LRRIQ3: variants seen among roughly 807,000 people sequenced by gnomAD.
LRRIQ3 encodes leucine rich repeats and IQ motif containing 3.
Under a neutral mutation model 59.3 loss-of-function variants are expected in LRRIQ3, and 75 were observed. The observed-to-expected ratio is 1.26, with a 90% CI of 1.05 to 1.53. LRRIQ3 has a LOEUF of 1.53. LRRIQ3 is among the 40% of genes most tolerant of loss of function. The pLI is 0.00. For missense variants in LRRIQ3, 831 were observed against 710.0 expected, an observed-to-expected ratio of 1.17 and a Z score of -1.94; for synonymous variants, 250 against 231.3, an observed-to-expected ratio of 1.08 and a Z score of -0.73.
chr1:74,103,644 A>T (rs1340478625), intron 5 of LRRIQ3, among the ~76,000 whole-genome samples: 2 of 151,998 alleles, frequency 1.3e-5, no homozygotes, highest in East Asian at 3.9e-4. Flanking sequence ...CCAGTTCCAC[A>T]TTTGCTAAAT....
intron 7 of LRRIQ3, among the ~76,000 whole-genome samples, chr1:74,029,094 T>G (rs1653612383): frequency 6.6e-6 from 1 of 152,168 alleles, no homozygotes; most frequent in South Asian, 2.1e-4. Context: ...AAGTTGCTTA[T>G]CAGCTTAAGG....
chr1:74,168,945 T>C (rs1649157666), intron 3 of LRRIQ3, among the ~76,000 whole-genome samples: 1 of 152,154 alleles, frequency 6.6e-6, no homozygotes, highest in Admixed American at 6.6e-5. Flanking sequence ...TAACATGAGA[T>C]CTACTCACTT....
At chr1:74,162,894 C>A (rs1648745553) in intron 3 of LRRIQ3, among the ~76,000 whole-genome samples, 1 of 151,544 alleles carries the variant, frequency 6.6e-6, no homozygotes, top group Admixed American at 6.6e-5. Context: ...CAGAAAATTA[C>A]ATGTACATAG....
intron 5 of LRRIQ3, chr1:74,082,796 A>G (rs1277428813): frequency 1.3e-5 from 2 of 151,644 alleles, no homozygotes; most frequent in Admixed American, 6.6e-5. Context: ...ATTACAATCT[A>G]CTTGCATGTA....
At chr1:74,157,468 A>G (rs1648406952) in intron 3 of LRRIQ3, among the ~76,000 whole-genome samples, 3 of 152,166 alleles carry the variant, frequency 2.0e-5, no homozygotes, top group East Asian at 1.9e-4. Context: ...CTTAAATCCT[A>G]ACTCTCAATC....
At chr1:74,029,780 C>T (rs1389872870) in intron 7 of LRRIQ3, among the ~76,000 whole-genome samples, 1 of 152,016 alleles carries the variant, frequency 6.6e-6, no homozygotes, top group African/African-American at 2.4e-5. Flanking sequence ...ATGGTACCAG[C>T]TCCTTCTTGT....
In LRRIQ3 at chr1:74,183,533, G is replaced by T. The variant is rs778086203; in HGVS notation, c.152C>A (p.Ser51Tyr). ...GTTTGAGAAGATGCATACTCTAAGA[G>T]AGATGCAAGACTGCAAATTTTCCAT... ...KSMENLQSCISLRVCIFSNNF... is the reference protein window; with the variant it reads ...KSMENLQSCIYLRVCIFSNNF... The change falls in exon 2 of 8, where the codon TCT becomes TAT. Residue 51 changes from serine to tyrosine, a missense_variant. Coordinates refer to ENST00000354431, the MANE Select transcript of LRRIQ3 (RefSeq NM_001105659.2). 1 of 1,611,940 alleles carries T rather than the reference G, an allele frequency of 6.2e-7. No individual in the cohort carries two copies. The highest frequency in any genetic ancestry group is 1.1e-5 in the South Asian group (1 of 90,932).
In LRRIQ3 at chr1:74,142,572, G is replaced by C. The variant is rs549462009; in HGVS notation, c.707+13161C>G. On this transcript the variant is annotated intron_variant, in intron 4 of 7. Transcript: ENST00000354431. Reference sequence around the variant, plus strand: ...AAAGGTAACAGATATAAGGCTGACTGTTAAAGTAGCTTAAATTTCAGTGTC... The same window carrying C: ...AAAGGTAACAGATATAAGGCTGACTCTTAAAGTAGCTTAAATTTCAGTGTC... 7.2e-5 allele frequency among the ~76,000 whole-genome samples: 11 copies of C among 152,050 alleles called. No homozygotes were observed. In the East Asian group the frequency reaches 2.1e-3, roughly 29 times the overall value.
At chr1:74,105,032 C>T (rs1646589640) in intron 5 of LRRIQ3, among the ~76,000 whole-genome samples, 1 of 151,830 alleles carries the variant, frequency 6.6e-6, no homozygotes, top group South Asian at 2.1e-4. Context: ...TACCTGAAGG[C>T]AATATTTCTA....
rs377066382 is a variant in LRRIQ3 at position 74,147,242 on chromosome 1, G to A, written c.707+8491C>T. 2.0e-5 allele frequency among the ~76,000 whole-genome samples: 3 copies of A among 151,972 alleles called. No individual in the cohort carries two copies. In the East Asian group the frequency reaches 5.8e-4, roughly 29 times the overall value. On this transcript the variant is annotated intron_variant, in intron 4 of 7. Coordinates refer to ENST00000354431, the MANE Select transcript of LRRIQ3 (RefSeq NM_001105659.2). ...GACTCTGCATCAAAAGAAAAGAATT[G>A]CCTACGAACAAGAAAAATTAAAAAG...
chr1:74,187,737 TAAAAATTAAAA>T (rs1650498204), intron 1 of LRRIQ3, among the ~76,000 whole-genome samples: 2 of 151,674 alleles, frequency 1.3e-5, no homozygotes, highest in Admixed American at 1.3e-4. Flanking sequence ...ACTATTGAAA[TAAAAATTAAAA>T]AACAACAAAA....
chr1:74,073,290 T>C (rs918240189), intron 6 of LRRIQ3, among the ~76,000 whole-genome samples: 1 of 152,022 alleles, frequency 6.6e-6, no homozygotes, highest in Non-Finnish European at 1.5e-5. Context: ...AGGCAGGCGA[T>C]TGCCTGAGCT....
chr1:74,095,163 G>A (rs1447144364), intron 5 of LRRIQ3: 1 of 152,120 alleles, frequency 6.6e-6, no homozygotes, highest in Non-Finnish European at 1.5e-5. Flanking sequence ...TGGATCTGGT[G>A]AAACTATTGT....
At chr1:74,077,783 CA>C (rs1297141992) in intron 5 of LRRIQ3, among the ~76,000 whole-genome samples, 2 of 151,650 alleles carry the variant, frequency 1.3e-5, no homozygotes, top group Non-Finnish European at 3.0e-5. Flanking sequence ...ACACAAGCTG[CA>C]AAAGTAAAGA....
At chr1:74,029,261 A>G (rs1439306790) in intron 7 of LRRIQ3, among the ~76,000 whole-genome samples, 1 of 152,110 alleles carries the variant, frequency 6.6e-6, no homozygotes, top group African/African-American at 2.4e-5. Context: ...GTTGAATAGG[A>G]GTGGCGAGAG....
At chr1:74,144,107 C>CT (rs1483879980) in intron 4 of LRRIQ3, among the ~76,000 whole-genome samples, 2 of 151,826 alleles carry the variant, frequency 1.3e-5, no homozygotes, top group African/African-American at 4.8e-5. Context: ...ATTTGGGCAC[C>CT]TTTCAGTTAG....
intron 5 of LRRIQ3, among the ~76,000 whole-genome samples, chr1:74,105,286 C>CT (rs1646595492): frequency 6.8e-6 from 1 of 146,468 alleles, no homozygotes; most frequent in East Asian, 2.0e-4. Context: ...CAGTCTTGCT[C>CT]TTTTGCCCAG....
intron 3 of LRRIQ3, among the ~76,000 whole-genome samples, chr1:74,163,899 T>A (rs1570240974): frequency 6.6e-6 from 1 of 151,628 alleles, no homozygotes; most frequent in Non-Finnish European, 1.5e-5. Context: ...CATGCCAGAA[T>A]TTATTGTCAC....
chr1:74,051,861 T>A (rs1403769377), intron 6 of LRRIQ3, among the ~76,000 whole-genome samples: 1 of 152,122 alleles, frequency 6.6e-6, no homozygotes, highest in Non-Finnish European at 1.5e-5. Flanking sequence ...GCCACTCCAC[T>A]CTGAGTTCTA....
Sources: allele counts gnomAD v4.1 joint callset (sites outside exome capture counted in the v4.1 genomes callset), GRCh38; gene constraint gnomAD v4.1.1; transcripts MANE v1.5; gene names NCBI Gene and HGNC (gene_info 2026-07-23, HGNC 2026-07-21).